Variants in BLNK observed in about 807,000 individuals in gnomAD.
The protein encoded by BLNK is B cell linker, also known as B-cell linker protein.
A neutral mutation model predicts 73.5 loss-of-function variants in BLNK; 29 were observed. The ratio of observed to expected loss-of-function variants is 0.39; its 90% CI spans 0.29 to 0.54. BLNK has a LOEUF of 0.54. Among genes scored for constraint, BLNK ranks in the 20% least tolerant of loss-of-function variants. The pLI, the probability that BLNK is intolerant of heterozygous loss-of-function variation, is 0.61. For missense variants in BLNK, 460 were observed against 562.8 expected, an observed-to-expected ratio of 0.82 and a Z score of 1.85; for synonymous variants, 176 against 200.8, an observed-to-expected ratio of 0.88 and a Z score of 1.04.
chr10:96,245,895 G>A (rs1048445015), intron 2 of BLNK, among the ~76,000 whole-genome samples: 1 of 152,166 alleles, frequency 6.6e-6, no homozygotes, highest in South Asian at 2.1e-4. Flanking sequence ...TTTCTGGGGA[G>A]TGGGTTAAGA....
intron 1 of BLNK, 45 bp downstream of exon 1, chr10:96,271,307 G>T (rs1359264853): frequency 6.3e-7 from 1 of 1,596,860 alleles, no homozygotes; most frequent in Non-Finnish European, 8.6e-7. Context: ...GCACTGGGGG[G>T]AAAAAAAGGA....
At chr10:96,207,755 T>G in intron 10 of BLNK, 117 bp downstream of exon 10, 1 of 1,255,790 alleles carries the variant, frequency 8.0e-7, no homozygotes, top group Non-Finnish European at 1.2e-6. Flanking sequence ...GGCAGCAACT[T>G]CAGTTGCTAA....
At chr10:96,223,722 T>C in intron 6 of BLNK, 104 bp downstream of exon 6, 2 of 1,377,722 alleles carry the variant, frequency 1.5e-6, no homozygotes, top group Admixed American at 1.7e-5. Flanking sequence ...GGGCAGTCAA[T>C]AGCAGGTTGT....
At chr10:96,214,342 A>C (rs2084014628) in intron 8 of BLNK, among the ~76,000 whole-genome samples, 1 of 152,112 alleles carries the variant, frequency 6.6e-6, no homozygotes, top group Non-Finnish European at 1.5e-5. Context: ...AGGAACATTC[A>C]TGGTTTGGGG....
At chr10:96,198,078 C>G (rs2083521864) in intron 15 of BLNK, among the ~76,000 whole-genome samples, 1 of 151,640 alleles carries the variant, frequency 6.6e-6, no homozygotes, top group Non-Finnish European at 1.5e-5. Context: ...AAGAGTTGAT[C>G]AAACTCAGGA....
intron 3 of BLNK, 68 bp from the exon 4 acceptor site, chr10:96,230,902 C>T: frequency 1.3e-6 from 2 of 1,554,126 alleles, no homozygotes; most frequent in Admixed American, 1.8e-5. Context: ...AGCCCATCCA[C>T]ACACATTTCG....
intron 7 of BLNK, 68 bp from the exon 8 acceptor site, chr10:96,215,457 A>G: frequency 1.4e-6 from 2 of 1,429,298 alleles, no homozygotes; most frequent in South Asian, 1.3e-5. Context: ...GATACATGCC[A>G]TTGAGGAAAA....
intron 1 of BLNK, among the ~76,000 whole-genome samples, chr10:96,258,032 A>G (rs187484110): frequency 1.3e-5 from 2 of 152,308 alleles, no homozygotes; most frequent in African/African-American, 4.8e-5. Flanking sequence ...TGTTACTTGC[A>G]TGCTGCAGGA....
rs587696513 is a variant in BLNK at position 96,234,833 on chromosome 10, T to TG, written c.164-4000dup. Among the ~76,000 whole-genome samples, 414 of 152,324 alleles carry TG rather than the reference T, an allele frequency of 2.7e-3. 2 individuals are homozygous for TG. The highest frequency in any genetic ancestry group is 8.3e-3 in the African/African-American group (343 of 41,574). On this transcript the variant is annotated intron_variant, in intron 3 of 16. Coordinates refer to ENST00000224337, the MANE Select transcript of BLNK (RefSeq NM_013314.4). ...AGCCTCTATTGTAGTGAGTAAAATT[T>TG]GGGGGAGAAGTTCAAGCTTCATGTG...
intron 11 of BLNK, chr10:96,205,235 G>A (rs1444629518): frequency 6.4e-6 from 1 of 156,100 alleles, no homozygotes; most frequent in East Asian, 1.9e-4. Context: ...TTATGTTGAA[G>A]CCCATAGTGA....
chr10:96,238,544 G>A (rs181605443), intron 3 of BLNK, among the ~76,000 whole-genome samples: 1 of 152,164 alleles, frequency 6.6e-6, no homozygotes, highest in Non-Finnish European at 1.5e-5. Context: ...GACTCCCCAG[G>A]TTCAGGAGGA....
intron 1 of BLNK, among the ~76,000 whole-genome samples, chr10:96,253,434 C>T (rs1400560812): frequency 6.6e-6 from 1 of 152,132 alleles, no homozygotes; most frequent in East Asian, 1.9e-4. Context: ...CTTCTGGGAG[C>T]CTGGGATCAA....
chr10:96,241,188 T>A (rs587745702), intron 3 of BLNK, among the ~76,000 whole-genome samples: 1 of 152,354 alleles, frequency 6.6e-6, no homozygotes, highest in African/African-American at 2.4e-5. Context: ...CTTATTGCTA[T>A]CTTGATCAGT....
chr10:96,253,925 A>G (rs12783927), intron 1 of BLNK, among the ~76,000 whole-genome samples: 18 of 151,976 alleles, frequency 1.2e-4, no homozygotes, highest in African/African-American at 2.9e-4. Flanking sequence ...GGAGGCTGAG[A>G]CAGGAGAATG....
intron 3 of BLNK, among the ~76,000 whole-genome samples, chr10:96,241,399 G>A (rs1169270038): frequency 1.3e-5 from 2 of 152,192 alleles, no homozygotes; most frequent in East Asian, 1.9e-4. Flanking sequence ...AAAGAAATGT[G>A]TATTGAATAT....
intron 16 of BLNK, among the ~76,000 whole-genome samples, chr10:96,194,431 C>G (rs2083407013): frequency 1.3e-5 from 2 of 152,128 alleles, no homozygotes; most frequent in Admixed American, 1.3e-4. Flanking sequence ...CACCATGACA[C>G]TGGATTTGGC....
At chr10:96,202,055 G>C (rs12779295) in intron 13 of BLNK, among the ~76,000 whole-genome samples, 19,165 of 152,116 alleles carry the variant, frequency 0.13, 1,279 homozygotes, top group Middle Eastern at 0.17. Flanking sequence ...GCAAGGCCTG[G>C]CATATCTAAG....
rs368162830 is a variant in BLNK at position 96,207,057 on chromosome 10, T to C, written c.775-4A>G. On this transcript the variant is annotated splice_polypyrimidine_tract_variant and splice_region_variant and intron_variant, in intron 10 of 16. Coordinates refer to ENST00000224337, the MANE Select transcript of BLNK (RefSeq NM_013314.4). ...TCTGTTGAGAGGCAACTGGAGTCTA[T>C]GTAAAAGAAAAAAAGGCAAGGTTAT... The C allele has an allele frequency of 3.6e-5, 58 of 1,613,444 alleles. No individual in the cohort carries two copies. The highest frequency in any genetic ancestry group is 8.0e-5 in the African/African-American group (6 of 74,906).
intron 11 of BLNK, 76 bp from the exon 12 acceptor site, chr10:96,204,692 G>T: frequency 7.3e-7 from 1 of 1,373,030 alleles, no homozygotes; most frequent in South Asian, 1.2e-5. Context: ...AACATCAGCT[G>T]AGAAGAACCA....
Sources: allele counts gnomAD v4.1 joint callset (sites outside exome capture counted in the v4.1 genomes callset), GRCh38; gene constraint gnomAD v4.1.1; transcripts MANE v1.5; gene names NCBI Gene and HGNC (gene_info 2026-07-23, HGNC 2026-07-21).